Variants in TNFRSF10D observed in about 807,000 individuals in gnomAD.
TNFRSF10D encodes the protein TNF receptor superfamily member 10d.
In TNFRSF10D, 28 loss-of-function variants were observed where a neutral mutation model predicts 42.1. The ratio of observed to expected loss-of-function variants is 0.66; its 90% CI spans 0.49 to 0.91. The LOEUF is 0.91. Among genes scored for constraint, TNFRSF10D ranks in the 40% least tolerant of loss-of-function variants. TNFRSF10D has a pLI of 0.00. For synonymous variants in TNFRSF10D, 186 were observed against 189.4 expected (o/e 0.98, Z 0.15); for missense variants, 503 against 486.1 (o/e 1.03, Z -0.33).
chr8:23,149,531 G>A (rs1371383295), intron 2 of TNFRSF10D, among the ~76,000 whole-genome samples: 10 of 146,806 alleles, frequency 6.8e-5, no homozygotes, highest in African/African-American at 2.5e-4. Context: ...GAGCCACCAT[G>A]CCACGCCCAG....
chr8:23,145,781 G>A lies in TNFRSF10D; in HGVS notation c.623C>T (p.Ser208Phe), dbSNP rs199848212. 1 of 1,614,248 alleles carries A rather than the reference G, an allele frequency of 6.2e-7. No individual in the cohort carries two copies. Among genetic ancestry groups the A allele is most frequent in the South Asian group, 1.1e-5 (1 of 91,086 alleles). Residue 208 changes from serine to phenylalanine, a missense_variant, in exon 5 of 9, where the codon TCT (serine) becomes TTT (phenylalanine). Ser to Phe is a radical substitution (Grantham distance 155, BLOSUM62 -2). Transcript: ENST00000312584. Reference sequence around the variant, plus strand: ...TATGATGATAAGGTAGTGATAGGGAGAGGCAAGCATCCCCAGGATGGTGGT... The same window carrying A: ...TATGATGATAAGGTAGTGATAGGGAAAGGCAAGCATCCCCAGGATGGTGGT... Reference protein sequence around the residue: ...TVTTILGMLASPYHYLIIIVV... With the variant: ...TVTTILGMLAFPYHYLIIIVV...
intron 2 of TNFRSF10D, among the ~76,000 whole-genome samples, chr8:23,148,970 C>A (rs1345175513): frequency 6.6e-6 from 1 of 151,450 alleles, no homozygotes; most frequent in East Asian, 2.0e-4. Context: ...GCGGACGAAT[C>A]ACGAGGTCAG....
At position 23,138,000 on chromosome 8, in the gene TNFRSF10D, C is replaced by G; in HGVS notation, c.1031G>C (p.Ser344Thr). 6.2e-7 allele frequency: 1 copy of G among 1,614,038 alleles called. No individual in the cohort carries two copies. The highest frequency in any genetic ancestry group is 8.5e-7 in the Non-Finnish European group (1 of 1,179,956). ...PVNDADSADI[S>T]TLLDASATLE... The stretch of plus-strand genomic sequence containing the variant: ...TGTTGCCGAGGCATCCAGCAAGGTG[C>G]TGACTGAGAAGAGAGAAGAGATTTA... Residue 344 changes from serine (S) to threonine (T), a missense_variant, in exon 9 of 9, where the codon AGC becomes ACC. Transcript: ENST00000312584.
chr8:23,146,826 T>G, intron 4 of TNFRSF10D, 135 bp downstream of exon 4: 2 of 721,798 alleles, frequency 2.8e-6, no homozygotes, highest in Non-Finnish European at 4.7e-6. Context: ...CAACGCAGGC[T>G]CAGGAAACCC....
At chr8:23,143,138 G>C (rs1432640568) in intron 7 of TNFRSF10D, among the ~76,000 whole-genome samples, 1 of 152,052 alleles carries the variant, frequency 6.6e-6, no homozygotes, top group Admixed American at 6.6e-5. Flanking sequence ...TACCACGCCC[G>C]GCTAATTTTT....
chr8:23,157,024 G>A (rs993094910), intron 1 of TNFRSF10D, among the ~76,000 whole-genome samples: 3 of 151,948 alleles, frequency 2.0e-5, no homozygotes, highest in Non-Finnish European at 2.9e-5. Flanking sequence ...CAGCTTTAAC[G>A]AGACACAAAT....
intron 1 of TNFRSF10D, among the ~76,000 whole-genome samples, chr8:23,159,917 T>G (rs910467775): frequency 3.3e-5 from 5 of 151,854 alleles, no homozygotes; most frequent in African/African-American, 7.3e-5. Flanking sequence ...TATGTCAATT[T>G]AATTCTCAGG....
intron 7 of TNFRSF10D, among the ~76,000 whole-genome samples, chr8:23,140,131 T>C (rs1483014216): frequency 1.3e-5 from 2 of 151,912 alleles, no homozygotes; most frequent in Non-Finnish European, 2.9e-5. Context: ...CTACTAAAAA[T>C]ACAAAAAACT....
Position 23,144,643 on chromosome 8 carries a change from A to C in TNFRSF10D, c.769-8T>G, listed in dbSNP as rs769303537. On this transcript the variant is annotated splice_polypyrimidine_tract_variant and splice_region_variant and intron_variant, in intron 6 of 8. Transcript: ENST00000312584. ...ACGCCGCCGGAAAAGGACCTTGGGAAGACAAAGAGCCCACTCAAGTCCACA... is the reference window on the plus strand; with the variant it reads ...ACGCCGCCGGAAAAGGACCTTGGGACGACAAAGAGCCCACTCAAGTCCACA... 16 of 1,611,424 alleles carry C rather than the reference A, an allele frequency of 9.9e-6. No individual in the cohort carries two copies. Among genetic ancestry groups the C allele is most frequent in the Non-Finnish European group, 1.4e-5 (16 of 1,178,308 alleles).
At chr8:23,162,948 G>C (rs1800393049) in intron 1 of TNFRSF10D, among the ~76,000 whole-genome samples, 1 of 152,070 alleles carries the variant, frequency 6.6e-6, no homozygotes, top group Non-Finnish European at 1.5e-5. Context: ...TTAAGGCAGA[G>C]TCTCGCTCTG....
rs973393831 is a variant in TNFRSF10D, at chr8:23,158,016, T to G, written c.151-3037A>C. 2.0e-5 allele frequency among the ~76,000 whole-genome samples: 3 copies of G among 152,206 alleles called. No homozygotes were observed. The South Asian group carries it at 6.2e-4, about 32-fold the overall frequency. ...ATAAGATTTCAGGAGTGGGGAGAAG[T>G]AAGGCAAGATCCTGGAAGTAGGCCA... On this transcript the variant is annotated intron_variant, in intron 1 of 8. Coordinates refer to ENST00000312584, the MANE Select transcript of TNFRSF10D (RefSeq NM_003840.5).
At chr8:23,144,811 T>C (rs111670326) in intron 6 of TNFRSF10D, among the ~76,000 whole-genome samples, 176 bp from the exon 7 acceptor site, 1,785 of 152,008 alleles carry the variant, frequency 0.012, 24 homozygotes, top group African/African-American at 0.039. Context: ...CCCATCCCCA[T>C]GGGGCCAGCT....
At chr8:23,154,850 T>A in intron 2 of TNFRSF10D, 24 bp downstream of exon 2, 1 of 1,591,102 alleles carries the variant, frequency 6.3e-7, no homozygotes, top group Non-Finnish European at 8.6e-7. Context: ...AAAAATAAAC[T>A]GATTTTTAAA....
rs987293117 is a variant in TNFRSF10D at position 23,135,699 on chromosome 8, C to T, written c.*2171G>A. On this transcript the variant is annotated 3_prime_UTR_variant, in exon 9 of 9. Coordinates refer to ENST00000312584, the MANE Select transcript of TNFRSF10D (RefSeq NM_003840.5). ...GGTATAAAGCAAAACCTAAACAAAT[C>T]AACCAACGCCAAAAAACCCCAACAA... is the stretch of plus-strand genomic sequence containing the variant. 6.9e-6 allele frequency: 2 copies of T among 291,438 alleles called. No homozygotes were observed. The highest frequency in any genetic ancestry group is 1.4e-5 in the Non-Finnish European group (2 of 146,410). 18.1% of individuals were successfully genotyped at this position (291,438 alleles called of 1,614,324 possible). A position where few individuals can be genotyped will look rare whatever the true frequency, so the allele number is the denominator to read the frequency against.
chr8:23,141,878 T>C (rs1800024587), intron 7 of TNFRSF10D, among the ~76,000 whole-genome samples: 1 of 150,330 alleles, frequency 6.7e-6, no homozygotes, highest in Non-Finnish European at 1.5e-5. Context: ...GGAATGTAAA[T>C]TAGTTCAGCC....
intron 7 of TNFRSF10D, among the ~76,000 whole-genome samples, chr8:23,142,127 C>T (rs149194654): frequency 7.9e-5 from 12 of 152,094 alleles, no homozygotes; most frequent in Non-Finnish European, 1.3e-4. Flanking sequence ...AAAAATTAGC[C>T]GGGTATGGTG....
chr8:23,136,046 T>G lies in TNFRSF10D; in HGVS notation c.*1824A>C, dbSNP rs1585255395. On this transcript the variant is annotated 3_prime_UTR_variant, in exon 9 of 9. Coordinates refer to ENST00000312584, the MANE Select transcript of TNFRSF10D (RefSeq NM_003840.5). ...CTCCATGGACACAACAATCTGAATG[T>G]GCGAACTTCAGGCAGTTCTAACTTT... The G allele has an allele frequency of 5.0e-6, 2 of 399,116 alleles. No individual in the cohort carries two copies. The highest frequency in any genetic ancestry group is 1.4e-4 in the East Asian group (2 of 13,842). The allele number at this position is 399,116 out of a possible 1,614,324, so 24.7% of individuals were successfully genotyped here.
intron 1 of TNFRSF10D, among the ~76,000 whole-genome samples, chr8:23,160,281 G>T (rs1479439555): frequency 6.6e-6 from 1 of 152,214 alleles, no homozygotes; most frequent in East Asian, 1.9e-4. Context: ...CCAAGCCCAT[G>T]AGGTGAGCGC....
intron 2 of TNFRSF10D, among the ~76,000 whole-genome samples, chr8:23,149,015 C>G (rs1027232048): frequency 6.6e-6 from 1 of 151,096 alleles, no homozygotes; most frequent in Non-Finnish European, 1.5e-5. Flanking sequence ...ACAGTGAAAC[C>G]CCATCTCTAC....
Sources: allele counts gnomAD v4.1 joint callset (sites outside exome capture counted in the v4.1 genomes callset), GRCh38; gene constraint gnomAD v4.1.1; transcripts MANE v1.5; gene names NCBI Gene and HGNC (gene_info 2026-07-23, HGNC 2026-07-21).